EYS: variants seen among roughly 807,000 people sequenced by gnomAD.
The protein encoded by EYS is protein eyes shut homolog.
Under a neutral mutation model 282.1 loss-of-function variants are expected in EYS, and 250 were observed. The observed-to-expected ratio is 0.89, with a 90% CI of 0.80 to 0.98. The LOEUF is 0.98. Among genes scored for constraint, EYS ranks in the 50% least tolerant of loss-of-function variants. EYS has a pLI of 0.00. For synonymous variants in EYS, 1,355 were observed against 1,282.9 expected, an observed-to-expected ratio of 1.06 and a Z score of -1.20; for missense variants, 4,016 against 3,709.0, an observed-to-expected ratio of 1.08 and a Z score of -2.15.
chr6:65,171,282 T>C (rs1765099697), intron 12 of EYS, among the ~76,000 whole-genome samples: 1 of 151,548 alleles, frequency 6.6e-6, no homozygotes, highest in African/African-American at 2.4e-5. Flanking sequence ...CCTTTCTTTT[T>C]CCATGAAAAT....
chr6:64,558,692 T>G (rs990174940), intron 26 of EYS, among the ~76,000 whole-genome samples: 4 of 152,170 alleles, frequency 2.6e-5, no homozygotes, highest in African/African-American at 9.6e-5. Context: ...GCAGACATCA[T>G]GTAATAAACA....
chr6:64,853,807 C>A (rs948223823), intron 19 of EYS, among the ~76,000 whole-genome samples: 1 of 152,092 alleles, frequency 6.6e-6, no homozygotes, highest in African/African-American at 2.4e-5. Flanking sequence ...TCAGAGTGAA[C>A]AGGCAACCTA....
chr6:65,175,068 T>A (rs1765193785), intron 12 of EYS, among the ~76,000 whole-genome samples: 1 of 151,294 alleles, frequency 6.6e-6, no homozygotes, highest in Non-Finnish European at 1.5e-5. Context: ...AAGGTTTTAA[T>A]GAAAAAGTCT....
intron 35 of EYS, among the ~76,000 whole-genome samples, chr6:63,872,212 T>G (rs2244543): frequency 0.99 from 150,548 of 152,196 alleles, 74,486 homozygotes; most frequent in Middle Eastern, 1. Context: ...CAGCGCCCCA[T>G]TATATGGCTT....
At chr6:64,795,806 G>A (rs1390848073) in intron 22 of EYS, among the ~76,000 whole-genome samples, 1 of 152,150 alleles carries the variant, frequency 6.6e-6, no homozygotes, top group African/African-American at 2.4e-5. Flanking sequence ...TTGATTTGGA[G>A]AAAAATAAAC....
chr6:65,460,039 T>C (rs1201943469), intron 5 of EYS, among the ~76,000 whole-genome samples: 2 of 136,924 alleles, frequency 1.5e-5, no homozygotes, highest in Non-Finnish European at 3.2e-5. Flanking sequence ...ATAATATATA[T>C]CACTGATATA....
intron 5 of EYS, among the ~76,000 whole-genome samples, chr6:65,481,437 T>C (rs1020821658): frequency 1.3e-5 from 2 of 152,194 alleles, no homozygotes; most frequent in Non-Finnish European, 2.9e-5. Flanking sequence ...TAAAGTTTCA[T>C]TAGCATCCTG....
chr6:64,816,752 A>AG (rs1054952380), intron 21 of EYS, among the ~76,000 whole-genome samples: 1 of 152,120 alleles, frequency 6.6e-6, no homozygotes, highest in Admixed American at 6.6e-5. Context: ...AATGAGCAAG[A>AG]GGGGGTCTTA....
At chr6:63,949,471 C>G (rs1765499967) in intron 35 of EYS, among the ~76,000 whole-genome samples, 1 of 152,170 alleles carries the variant, frequency 6.6e-6, no homozygotes. Context: ...AAGATATTCT[C>G]AATTTCAGTT....
intron 12 of EYS, among the ~76,000 whole-genome samples, chr6:65,100,147 G>A (rs921928548): frequency 6.6e-6 from 1 of 150,790 alleles, no homozygotes; most frequent in African/African-American, 2.4e-5. Context: ...ATGACCTTTT[G>A]TGCGGACAGT....
intron 22 of EYS, among the ~76,000 whole-genome samples, chr6:64,805,695 T>C (rs1239462827): frequency 2.6e-5 from 4 of 151,176 alleles, no homozygotes; most frequent in African/African-American, 7.3e-5. Context: ...TTCTAATTTA[T>C]TATTTAATAA....
At chr6:65,338,787 T>G (rs1474640694) in intron 10 of EYS, among the ~76,000 whole-genome samples, 1 of 151,094 alleles carries the variant, frequency 6.6e-6, no homozygotes, top group Admixed American at 6.6e-5. Context: ...TTTTTGATAA[T>G]TCATTACTAG....
chr6:64,416,411 C>G (rs1774058494), intron 28 of EYS, among the ~76,000 whole-genome samples: 1 of 152,092 alleles, frequency 6.6e-6, no homozygotes, highest in Non-Finnish European at 1.5e-5. Flanking sequence ...TTAACAAGAG[C>G]AGCAGTAAAC....
intron 29 of EYS, among the ~76,000 whole-genome samples, chr6:64,321,868 A>G (rs10944471): frequency 0.72 from 108,855 of 151,742 alleles, 39,256 homozygotes; most frequent in African/African-American, 0.79. Flanking sequence ...CTTAGTGACA[A>G]AACAACTATA....
At position 64,591,794 on chromosome 6, in the gene EYS, G is replaced by C. The variant is rs2149832473; in HGVS notation, c.4073C>G (p.Pro1358Arg). 1 of 1,551,240 alleles carries C rather than the reference G, an allele frequency of 6.4e-7. No homozygotes were observed. The highest frequency in any genetic ancestry group is 1.4e-5 in the African/African-American group (1 of 73,104). Residue 1358 changes from proline (P) to arginine (R), a missense_variant, in exon 26 of 43, where the codon CCA becomes CGA. Pro to Arg is a moderately radical substitution (Grantham distance 103). Coordinates refer to ENST00000503581, the MANE Select transcript of EYS (RefSeq NM_001142800.2). Reference protein sequence around the residue: ...SRFLNFGIRDPAQIVQDKTSV... With the variant: ...SRFLNFGIRDRAQIVQDKTSV... ...TGTTTTGTCCTGGACAATTTGTGCT[G>C]GGTCACGAATACCAAAATTCAGGAA...
intron 39 of EYS, among the ~76,000 whole-genome samples, chr6:63,782,475 T>C (rs1770255099): frequency 6.6e-6 from 1 of 152,222 alleles, no homozygotes; most frequent in African/African-American, 2.4e-5. Context: ...TGCTTTAGTC[T>C]TGGGAGGATA....
At chr6:64,346,754 G>T (rs1222918921) in intron 29 of EYS, among the ~76,000 whole-genome samples, 1 of 151,246 alleles carries the variant, frequency 6.6e-6, no homozygotes, top group African/African-American at 2.4e-5. Context: ...GTCAATAGAT[G>T]TGGGTAGTAA....
chr6:64,864,735 C>T (rs996413286), intron 19 of EYS, among the ~76,000 whole-genome samples: 2 of 151,232 alleles, frequency 1.3e-5, no homozygotes, highest in Non-Finnish European at 2.9e-5. Context: ...TTTAAGTTGA[C>T]TTAGAAAGGT....
intron 33 of EYS, among the ~76,000 whole-genome samples, chr6:64,020,414 A>G (rs1049245555): frequency 6.6e-6 from 1 of 152,320 alleles, no homozygotes; most frequent in Non-Finnish European, 1.5e-5. Context: ...ATAAACATAC[A>G]CATTTGTTTA....
Sources: allele counts gnomAD v4.1 joint callset (sites outside exome capture counted in the v4.1 genomes callset), GRCh38; gene constraint gnomAD v4.1.1; transcripts MANE v1.5; gene names NCBI Gene and HGNC (gene_info 2026-07-23, HGNC 2026-07-21).